TOX: variants seen among roughly 807,000 people sequenced by gnomAD.
TOX encodes thymocyte selection associated high mobility group box, also known as thymocyte selection-associated high mobility group box protein TOX.
Under a neutral mutation model 53.7 loss-of-function variants are expected in TOX, and 11 were observed. The ratio of observed to expected loss-of-function variants is 0.20; its 90% CI spans 0.13 to 0.34. The LOEUF is 0.34. Ranked by LOEUF, TOX falls within the 10% of genes least tolerant of loss-of-function variation. The pLI is 1.00. For missense variants in TOX, 570 were observed against 664.6 expected, an observed-to-expected ratio of 0.86 and a Z score of 1.56; for synonymous variants, 225 against 245.3, an observed-to-expected ratio of 0.92 and a Z score of 0.77.
chr8:58,984,782 C>CAAAAAA (rs11364474), intron 1 of TOX, among the ~76,000 whole-genome samples: 3 of 77,368 alleles, frequency 3.9e-5, no homozygotes, highest in Admixed American at 3.4e-4. Flanking sequence ...GACTCCGTCT[C>CAAAAAA]AAAAAAAAAA....
At chr8:59,065,351 C>G (rs1335418625) in intron 1 of TOX, among the ~76,000 whole-genome samples, 1 of 152,038 alleles carries the variant, frequency 6.6e-6, no homozygotes, top group Non-Finnish European at 1.5e-5. Flanking sequence ...TACAATTGCA[C>G]GTTACTTCAG....
At chr8:58,904,303 A>T (rs868135238) in intron 3 of TOX, among the ~76,000 whole-genome samples, 5 of 140,882 alleles carry the variant, frequency 3.5e-5, no homozygotes, top group African/African-American at 6.1e-5. Context: ...TAGACGACAT[A>T]TTTTTTTTTT....
intron 1 of TOX, among the ~76,000 whole-genome samples, chr8:59,104,828 A>G (rs531181217): frequency 4.6e-5 from 7 of 152,198 alleles, no homozygotes; most frequent in Non-Finnish European, 8.8e-5. Flanking sequence ...CCAGGAAGCA[A>G]CAGGGATTCC....
At chr8:58,853,114 A>G (rs1810853754) in intron 3 of TOX, among the ~76,000 whole-genome samples, 1 of 152,134 alleles carries the variant, frequency 6.6e-6, no homozygotes, top group Non-Finnish European at 1.5e-5. Flanking sequence ...TCTTCTCCGG[A>G]ACGCATTTAC....
intron 1 of TOX, among the ~76,000 whole-genome samples, chr8:59,007,363 T>C (rs548714869): frequency 7.2e-5 from 11 of 152,210 alleles, no homozygotes; most frequent in South Asian, 4.1e-4. Flanking sequence ...AAATGAGAAA[T>C]GGCACTGCTA....
Position 58,946,216 on chromosome 8 carries a change from C to T in TOX, c.169-6672G>A, listed in dbSNP as rs144638560. Among the ~76,000 whole-genome samples, 3 of 152,142 alleles carry T rather than the reference C, an allele frequency of 2.0e-5. No individual in the cohort carries two copies. In the East Asian group the frequency reaches 5.8e-4, roughly 29 times the overall value. ...GTTTCATCTTCTATTATTAAACATTCCTGTTGCATGATTCAGAGAACTGAA... is the reference window on the plus strand; with the variant it reads ...GTTTCATCTTCTATTATTAAACATTTCTGTTGCATGATTCAGAGAACTGAA... On this transcript the variant is annotated intron_variant, in intron 2 of 8. Transcript: ENST00000361421.
intron 4 of TOX, among the ~76,000 whole-genome samples, chr8:58,849,242 C>T (rs942333997): frequency 6.6e-6 from 1 of 152,098 alleles, no homozygotes; most frequent in Non-Finnish European, 1.5e-5. Context: ...ATGGAAAATA[C>T]ACTTAAACTT....
At chr8:58,941,298 A>C (rs1046339803) in intron 2 of TOX, among the ~76,000 whole-genome samples, 6 of 152,204 alleles carry the variant, frequency 3.9e-5, no homozygotes, top group African/African-American at 1.4e-4. Context: ...AAAGCACTGT[A>C]CCAAGGTCTT....
At chr8:59,086,775 G>A (rs1272290013) in intron 1 of TOX, among the ~76,000 whole-genome samples, 9 of 152,158 alleles carry the variant, frequency 5.9e-5, no homozygotes, top group Admixed American at 5.9e-4. Flanking sequence ...TATTCAATCT[G>A]TACATTAAGT....
intron 1 of TOX, among the ~76,000 whole-genome samples, chr8:59,017,234 T>C (rs180852029): frequency 4.3e-4 from 65 of 152,362 alleles, no homozygotes; most frequent in Admixed American, 2.9e-3. Flanking sequence ...TAGCACTGTT[T>C]AGAAATTCAT....
chr8:59,066,185 G>A (rs542595183), intron 1 of TOX, among the ~76,000 whole-genome samples: 4 of 152,204 alleles, frequency 2.6e-5, no homozygotes, highest in Non-Finnish European at 5.9e-5. Context: ...TGGCATAGTT[G>A]TGCCAAATAA....
At chr8:58,905,743 G>A (rs914917608) in intron 3 of TOX, among the ~76,000 whole-genome samples, 1 of 152,198 alleles carries the variant, frequency 6.6e-6, no homozygotes, top group African/African-American at 2.4e-5. Flanking sequence ...CCTTTATACT[G>A]ACGGAAGTGT....
chr8:58,846,585 T>A (rs543323734), intron 4 of TOX, among the ~76,000 whole-genome samples: 2 of 152,302 alleles, frequency 1.3e-5, no homozygotes, highest in South Asian at 4.1e-4. Context: ...TTATCCTATT[T>A]GCTTTGAGAA....
At chr8:58,872,589 G>C (rs1265887664) in intron 3 of TOX, among the ~76,000 whole-genome samples, 1 of 152,096 alleles carries the variant, frequency 6.6e-6, no homozygotes, top group East Asian at 1.9e-4. Flanking sequence ...GATGTGATGA[G>C]AATGGCACTT....
At chr8:58,848,799 C>T (rs1810761863) in intron 4 of TOX, among the ~76,000 whole-genome samples, 1 of 152,064 alleles carries the variant, frequency 6.6e-6, no homozygotes, top group African/African-American at 2.4e-5. Context: ...TTACAATATT[C>T]CTGTCTGTCA....
At chr8:59,114,030 C>T (rs1414654746) in intron 1 of TOX, among the ~76,000 whole-genome samples, 1 of 152,176 alleles carries the variant, frequency 6.6e-6, no homozygotes, top group Non-Finnish European at 1.5e-5. Context: ...AATAGTCTCA[C>T]ATACCAAAAC....
At chr8:59,045,545 T>C (rs150272482) in intron 1 of TOX, among the ~76,000 whole-genome samples, 3,321 of 152,278 alleles carry the variant, frequency 0.022, 85 homozygotes, top group South Asian at 0.087. Flanking sequence ...TCTAGATGCA[T>C]AGTAGTTTGG....
intron 3 of TOX, among the ~76,000 whole-genome samples, chr8:58,868,717 A>G (rs536360371): frequency 2.0e-5 from 3 of 152,258 alleles, no homozygotes; most frequent in South Asian, 2.1e-4. Context: ...CATTAAATAT[A>G]TAAGAAAAGA....
chr8:58,844,779 G>A lies in TOX; in HGVS notation c.694-6468C>T, dbSNP rs570595630. Among the ~76,000 whole-genome samples the A allele has an allele frequency of 2.6e-5, 4 of 151,960 alleles. No homozygotes were observed. The East Asian group carries it at 7.7e-4, about 29-fold the overall frequency. Reference sequence around the variant, plus strand: ...TTTCACCATCAGTTAAAGCACTAACGAATACATAAGTGCACAAATACCTAA... The same window carrying A: ...TTTCACCATCAGTTAAAGCACTAACAAATACATAAGTGCACAAATACCTAA... On this transcript the variant is annotated intron_variant, in intron 4 of 8. Transcript: ENST00000361421.
Sources: allele counts gnomAD v4.1 joint callset (sites outside exome capture counted in the v4.1 genomes callset), GRCh38; gene constraint gnomAD v4.1.1; transcripts MANE v1.5; gene names NCBI Gene and HGNC (gene_info 2026-07-23, HGNC 2026-07-21).